The following C4BPA variants were observed in gnomAD, a reference collection of about 807,000 sequenced individuals.
C4BPA encodes the protein C4b-binding protein alpha chain.
Under a neutral mutation model 63.7 loss-of-function variants are expected in C4BPA, and 31 were observed. That is an observed-to-expected ratio of 0.49 (90% confidence interval 0.37 to 0.66). C4BPA has a LOEUF of 0.66. Among genes scored for constraint, C4BPA ranks in the 30% least tolerant of loss-of-function variants. C4BPA has a pLI of 0.00. For synonymous variants in C4BPA, 259 were observed against 254.7 expected, an observed-to-expected ratio of 1.02 and a Z score of -0.16; for missense variants, 572 against 723.3, an observed-to-expected ratio of 0.79 and a Z score of 2.40.
rs1475132526 is a variant in C4BPA at position 207,124,013 on chromosome 1, T to C, written c.514+6T>C. 1 of 1,594,254 alleles carries C rather than the reference T, an allele frequency of 6.3e-7. No individual in the cohort carries two copies. The highest frequency in any genetic ancestry group is 8.6e-7 in the Non-Finnish European group (1 of 1,163,092). On this transcript the variant is annotated splice_donor_region_variant and intron_variant, in intron 5 of 11. Coordinates refer to ENST00000367070, the MANE Select transcript of C4BPA (RefSeq NM_000715.4). ...TCCTCTCCCACAATGTGAAAGTAAG[T>C]AAAGACTCTTCTGACTTGACTATCA... is the stretch of plus-strand genomic sequence containing the variant.
intron 9 of C4BPA, among the ~76,000 whole-genome samples, chr1:207,140,901 G>T (rs1343629687): frequency 6.6e-6 from 1 of 152,170 alleles, no homozygotes; most frequent in African/African-American, 2.4e-5. Flanking sequence ...AAACCTAAGG[G>T]CTATATCTCG....
chr1:207,126,481 C>T (rs1345814535), intron 6 of C4BPA, among the ~76,000 whole-genome samples: 2 of 148,994 alleles, frequency 1.3e-5, no homozygotes, highest in African/African-American at 4.9e-5. Context: ...AACTTCTCCA[C>T]CAATAAAAAC....
intron 7 of C4BPA, among the ~76,000 whole-genome samples, chr1:207,129,964 C>T (rs1685126777): frequency 6.6e-6 from 1 of 152,062 alleles, no homozygotes; most frequent in East Asian, 1.9e-4. Context: ...TCCCTCCTAC[C>T]TTTCTTGTGA....
chr1:207,134,772 T>C (rs1685244067), intron 9 of C4BPA, among the ~76,000 whole-genome samples, 180 bp downstream of exon 9: 1 of 152,244 alleles, frequency 6.6e-6, no homozygotes, highest in African/African-American at 2.4e-5. Flanking sequence ...CTCTTCAGTT[T>C]CCTCTTTTCT....
Position 207,109,149 on chromosome 1 carries a change from A to G in C4BPA, c.-25-3852A>G, listed in dbSNP as rs538834575. Reference sequence around the variant, plus strand: ...AGGCCCCAGCATTCCTCTGCTGTGCATGACACATTAGATCTCACTGTACCA... The same window carrying G: ...AGGCCCCAGCATTCCTCTGCTGTGCGTGACACATTAGATCTCACTGTACCA... On this transcript the variant is annotated intron_variant, in intron 1 of 11. Transcript: ENST00000367070. 2.6e-5 allele frequency among the ~76,000 whole-genome samples: 4 copies of G among 152,352 alleles called. No individual in the cohort carries two copies. The South Asian group carries it at 8.3e-4, about 32-fold the overall frequency.
At chr1:207,112,819 G>A in intron 1 of C4BPA, 182 bp from the exon 2 acceptor site, 1 of 531,932 alleles carries the variant, frequency 1.9e-6, no homozygotes. Context: ...TGAGCTCACA[G>A]CTTCTGCAGA....
intron 1 of C4BPA, among the ~76,000 whole-genome samples, chr1:207,109,840 A>G (rs141006686): frequency 4.4e-4 from 67 of 152,280 alleles, no homozygotes; most frequent in African/African-American, 1.5e-3. Context: ...GCCTAGAGTA[A>G]AATTATTTGG....
rs1008561742 is a variant in C4BPA, at chr1:207,106,546, A to T, written c.-26+2116A>T. On this transcript the variant is annotated intron_variant, in intron 1 of 11. Coordinates refer to ENST00000367070, the MANE Select transcript of C4BPA (RefSeq NM_000715.4). ...GCTCCGTCTCCCGGGTTCACAGGCC[A>T]TTCTCCTGCCTCAGCCTCCCGAGTA... 7.0e-4 allele frequency among the ~76,000 whole-genome samples: 91 copies of T among 130,332 alleles called. 1 individual carries two copies. The highest frequency in any genetic ancestry group is 4.6e-3 in the Middle Eastern group (1 of 216). The allele number at this position is 130,332 out of a possible 152,430, so 85.5% of individuals were successfully genotyped here.
At chr1:207,109,500 A>G (rs954227197) in intron 1 of C4BPA, among the ~76,000 whole-genome samples, 1 of 152,152 alleles carries the variant, frequency 6.6e-6, no homozygotes, top group African/African-American at 2.4e-5. Flanking sequence ...GGCTTAGAGG[A>G]ACTGAGTGTT....
chr1:207,124,156 C>T lies in C4BPA; in HGVS notation c.515-19C>T. On this transcript the variant is annotated intron_variant, in intron 5 of 11. Transcript: ENST00000367070. ...ATGCCTTCGCTGAGTATTTCTTTCTCTTCACTCACTTACCTCAGTTGTCAA... is the reference window on the plus strand; with the variant it reads ...ATGCCTTCGCTGAGTATTTCTTTCTTTTCACTCACTTACCTCAGTTGTCAA... 6.2e-7 allele frequency: 1 copy of T among 1,606,322 alleles called. No individual in the cohort carries two copies. The highest frequency in any genetic ancestry group is 1.1e-5 in the South Asian group (1 of 90,808).
intron 4 of C4BPA, among the ~76,000 whole-genome samples, chr1:207,120,031 A>AGGGGGTGCACCCAGTATGTCT (rs1553256148): frequency 6.6e-6 from 1 of 152,100 alleles, no homozygotes; most frequent in African/African-American, 2.4e-5. Flanking sequence ...TTGGAGTGTA[A>AGGGGGTGCACCCAGTATGTCT]GGGGGTGCAC....
At position 207,104,714 on chromosome 1, in the gene C4BPA, T is replaced by A. The variant is rs112834091; in HGVS notation, c.-26+284T>A. On this transcript the variant is annotated intron_variant, in intron 1 of 11. Transcript: ENST00000367070. The stretch of plus-strand genomic sequence containing the variant: ...GTAAGGTGTTGCTCTTGTTACTGTA[T>A]CTAAAAGACAGATGTGTTGGTTTGT... Among the ~76,000 whole-genome samples the A allele has an allele frequency of 3.6e-4, 55 of 152,338 alleles. No homozygotes were observed. The Middle Eastern group carries it at 0.01, about 28-fold the overall frequency.
intron 10 of C4BPA, 148 bp downstream of exon 10, chr1:207,141,424 A>G: frequency 1.8e-6 from 1 of 549,530 alleles, no homozygotes; most frequent in South Asian, 3.7e-5. Context: ...ATGGTACCCA[A>G]TGCAAAAACT....
At chr1:207,118,305 T>G (rs1408697932) in intron 4 of C4BPA, among the ~76,000 whole-genome samples, 1 of 152,086 alleles carries the variant, frequency 6.6e-6, no homozygotes, top group African/African-American at 2.4e-5. Flanking sequence ...CTTTCTAAAT[T>G]TATTATGCAT....
At chr1:207,117,571 C>A (rs1684829625) in intron 4 of C4BPA, among the ~76,000 whole-genome samples, 1 of 152,176 alleles carries the variant, frequency 6.6e-6, no homozygotes, top group Non-Finnish European at 1.5e-5. Flanking sequence ...CTTAGGGTCT[C>A]CACCAGGCCT....
intron 9 of C4BPA, among the ~76,000 whole-genome samples, chr1:207,139,637 T>C (rs1255488427): frequency 6.6e-6 from 1 of 152,224 alleles, no homozygotes; most frequent in Non-Finnish European, 1.5e-5. Flanking sequence ...CAAACTGGTC[T>C]AATAGGAGAG....
At chr1:207,121,312 A>G (rs894232049) in intron 4 of C4BPA, among the ~76,000 whole-genome samples, 5 of 152,112 alleles carry the variant, frequency 3.3e-5, no homozygotes, top group Non-Finnish European at 7.4e-5. Context: ...CTACATACAT[A>G]TTTTGCTACA....
At chr1:207,126,557 A>T (rs1258485528) in intron 6 of C4BPA, among the ~76,000 whole-genome samples, 156 bp from the exon 7 acceptor site, 1 of 151,374 alleles carries the variant, frequency 6.6e-6, no homozygotes, top group African/African-American at 2.4e-5. Flanking sequence ...GCGTTTGTGT[A>T]TGTGTATTCA....
At chr1:207,126,531 A>G (rs1471353789) in intron 6 of C4BPA, among the ~76,000 whole-genome samples, 182 bp from the exon 7 acceptor site, 4 of 150,512 alleles carry the variant, frequency 2.7e-5, no homozygotes, top group Non-Finnish European at 5.9e-5. Context: ...TATTATATAT[A>G]CAGATATATA....
Sources: gnomAD v4.1 joint callset for allele counts (sites outside exome capture counted in the v4.1 genomes callset) on GRCh38, gnomAD v4.1.1 for gene constraint, MANE v1.5 for transcripts, NCBI Gene and HGNC (gene_info 2026-07-23, HGNC 2026-07-21) for gene names.